Variants in WWOX observed in about 807,000 individuals in gnomAD.
WWOX encodes the protein WW domain-containing oxidoreductase.
In WWOX, 69 loss-of-function variants were observed where a neutral mutation model predicts 46.2. The observed-to-expected ratio is 1.49, with a 90% CI of 1.23 to 1.82. The LOEUF (loss-of-function observed/expected upper bound fraction) is 1.82, where lower values mean the gene tolerates loss of function less well. Among genes scored for constraint, WWOX ranks in the 40% most tolerant of loss-of-function variants. The pLI, the probability that WWOX is intolerant of heterozygous loss-of-function variation, is 0.00. For missense variants in WWOX, 919 were observed against 542.6 expected (o/e 1.69, Z -6.89); for synonymous variants, 359 against 202.6 (o/e 1.77, Z -6.56).
chr16:78,625,994 T>C (rs1260832699), intron 8 of WWOX, among the ~76,000 whole-genome samples: 1 of 151,714 alleles, frequency 6.6e-6, no homozygotes, highest in African/African-American at 2.4e-5. Flanking sequence ...AACCTAATAT[T>C]GTTATTACTT....
intron 8 of WWOX, among the ~76,000 whole-genome samples, chr16:78,803,235 A>T (rs1341963966): frequency 6.6e-6 from 1 of 150,754 alleles, no homozygotes; most frequent in Non-Finnish European, 1.5e-5. Context: ...GCTATGAAGA[A>T]GTGAGAGTTT....
intron 8 of WWOX, among the ~76,000 whole-genome samples, chr16:79,033,101 C>T (rs955306643): frequency 1.3e-5 from 2 of 149,532 alleles, no homozygotes; most frequent in Non-Finnish European, 3.0e-5. Context: ...GACATGATCT[C>T]ATTATTTTTT....
intron 8 of WWOX, among the ~76,000 whole-genome samples, chr16:79,189,898 A>G (rs1289583685): frequency 2.3e-5 from 3 of 128,434 alleles, no homozygotes; most frequent in Non-Finnish European, 4.8e-5. Flanking sequence ...TTCATATTCT[A>G]CCTAGTTTTA....
intron 8 of WWOX, among the ~76,000 whole-genome samples, chr16:78,653,485 G>T (rs749796144): frequency 6.6e-6 from 1 of 152,246 alleles, no homozygotes; most frequent in Non-Finnish European, 1.5e-5. Context: ...ATGTGACCCA[G>T]TTCTGACCAA....
chr16:79,208,155 C>A (rs546093399), intron 8 of WWOX, among the ~76,000 whole-genome samples: 4 of 152,318 alleles, frequency 2.6e-5, no homozygotes, highest in East Asian at 3.9e-4. Flanking sequence ...CATATACTCT[C>A]AAGATTGATT....
intron 4 of WWOX, among the ~76,000 whole-genome samples, chr16:78,141,708 G>T (rs958925449): frequency 1.3e-5 from 2 of 151,906 alleles, no homozygotes; most frequent in African/African-American, 4.8e-5. Flanking sequence ...ATAGGATTAG[G>T]AATAAAAATA....
intron 8 of WWOX, among the ~76,000 whole-genome samples, chr16:78,840,299 G>T (rs754130062): frequency 1.3e-5 from 2 of 152,048 alleles, no homozygotes; most frequent in Admixed American, 6.5e-5. Flanking sequence ...TTTCTTTCAC[G>T]TCTTGTTCTA....
intron 8 of WWOX, among the ~76,000 whole-genome samples, chr16:78,862,801 A>G (rs1423839119): frequency 6.6e-6 from 1 of 152,112 alleles, no homozygotes; most frequent in Non-Finnish European, 1.5e-5. Flanking sequence ...CACACTGGGA[A>G]GGGCAGTCTG....
rs559044599 is a variant in WWOX at position 78,248,211 on chromosome 16, C to A, written c.516+83922C>A. Reference sequence around the variant, plus strand: ...AGCATCTGCTTGGCTTCTGGGGAGGCCTCAGGAAACTTACAATCATGGTGG... The same window carrying A: ...AGCATCTGCTTGGCTTCTGGGGAGGACTCAGGAAACTTACAATCATGGTGG... On this transcript the variant is annotated intron_variant, in intron 5 of 8. Coordinates refer to ENST00000566780, the MANE Select transcript of WWOX (RefSeq NM_016373.4). Among the ~76,000 whole-genome samples the A allele has an allele frequency of 3.3e-5, 5 of 152,144 alleles. No homozygotes were observed. The East Asian group carries it at 7.8e-4, about 24-fold the overall frequency.
intron 8 of WWOX, among the ~76,000 whole-genome samples, chr16:78,505,879 C>T (rs866022098): frequency 1.1e-4 from 16 of 152,144 alleles, no homozygotes; most frequent in Admixed American, 5.2e-4. Flanking sequence ...GAGGAAGATT[C>T]GGCCTTTCTC....
At position 78,148,139 on chromosome 16, in the gene WWOX, C is replaced by G. The variant is rs147654166; in HGVS notation, c.410-16044C>G. Among the ~76,000 whole-genome samples the G allele has an allele frequency of 9.3e-4, 142 of 152,310 alleles. 1 individual carries two copies. Among genetic ancestry groups the G allele is most frequent in the African/African-American group, 3.1e-3 (128 of 41,570 alleles). ...TACAAATTCAGAGTTGGGTTCCCTT[C>G]TTCTCTTGAAGTGGCTATAAATTAA... On this transcript the variant is annotated intron_variant, in intron 4 of 8. Transcript: ENST00000566780.
chr16:78,908,032 G>T (rs1417915312), intron 8 of WWOX, among the ~76,000 whole-genome samples: 3 of 152,160 alleles, frequency 2.0e-5, no homozygotes, highest in Non-Finnish European at 4.4e-5. Context: ...TTTGGATGAA[G>T]CCCTGGCATA....
intron 8 of WWOX, chr16:79,106,810 T>TG (rs1486036166): frequency 2.1e-5 from 3 of 144,796 alleles, no homozygotes; most frequent in East Asian, 3.9e-4. Flanking sequence ...TTTTTCTTTT[T>TG]TTTTTTTTTT....
chr16:78,189,837 T>C (rs1167121560), intron 5 of WWOX, among the ~76,000 whole-genome samples: 2 of 152,044 alleles, frequency 1.3e-5, no homozygotes, highest in East Asian at 3.9e-4. Context: ...GTATGTTTAG[T>C]AGAGACGAGG....
At chr16:78,179,337 A>T (rs542169488) in intron 5 of WWOX, among the ~76,000 whole-genome samples, 2 of 152,296 alleles carry the variant, frequency 1.3e-5, no homozygotes, top group African/African-American at 4.8e-5. Flanking sequence ...AACAGATTAC[A>T]TTTGGGTATA....
At chr16:79,020,491 G>T (rs542224989) in intron 8 of WWOX, among the ~76,000 whole-genome samples, 46 of 152,148 alleles carry the variant, frequency 3.0e-4, no homozygotes, top group Non-Finnish European at 5.4e-4. Flanking sequence ...GAGTTAGGAG[G>T]ATTAAATGCA....
intron 8 of WWOX, among the ~76,000 whole-genome samples, chr16:78,581,120 T>A (rs974701003): frequency 2.0e-5 from 3 of 152,218 alleles, no homozygotes; most frequent in African/African-American, 7.2e-5. Flanking sequence ...ATCATTGTTG[T>A]ATATCCTTAA....
chr16:78,134,417 A>G (rs1567590854), intron 4 of WWOX, among the ~76,000 whole-genome samples: 1 of 151,990 alleles, frequency 6.6e-6, no homozygotes, highest in East Asian at 1.9e-4. Flanking sequence ...CTTTTTGGGA[A>G]CCGTTGAGCC....
At chr16:79,193,964 T>C (rs2051188712) in intron 8 of WWOX, among the ~76,000 whole-genome samples, 1 of 152,184 alleles carries the variant, frequency 6.6e-6, no homozygotes. Flanking sequence ...ACTTAGTAAT[T>C]GTGTAGATTT....
Sources: allele counts gnomAD v4.1 joint callset (sites outside exome capture counted in the v4.1 genomes callset), GRCh38; gene constraint gnomAD v4.1.1; transcripts MANE v1.5; gene names NCBI Gene and HGNC (gene_info 2026-07-23, HGNC 2026-07-21).